Variants in COL5A2 observed in about 807,000 individuals in gnomAD.
COL5A2 encodes the protein collagen type V alpha 2 chain.
Under a neutral mutation model 208.2 loss-of-function variants are expected in COL5A2, and 23 were observed. The observed-to-expected ratio is 0.11, with a 90% confidence interval of 0.08 to 0.16. The LOEUF (loss-of-function observed/expected upper bound fraction) is 0.16, where lower values mean the gene tolerates loss of function less well. Ranked by LOEUF, COL5A2 falls within the 10% of genes least tolerant of loss-of-function variation. The pLI is 1.00. For missense variants in COL5A2, 1,590 were observed against 1,956.4 expected, an observed-to-expected ratio of 0.81 and a Z score of 3.53; for synonymous variants, 625 against 628.5, an observed-to-expected ratio of 0.99 and a Z score of 0.08.
chr2:189,251,831 G>A, the COL5A2 span, among the ~76,000 whole-genome samples: 4 of 152,110 alleles, frequency 2.6e-5, no homozygotes, highest in Admixed American at 1.3e-4. Flanking sequence ...CCAATCTAAA[G>A]AATGGGAGAA....
At chr2:189,275,596 G>C in the COL5A2 span, among the ~76,000 whole-genome samples, 2 of 151,878 alleles carry the variant, frequency 1.3e-5, no homozygotes, top group Non-Finnish European at 2.9e-5. Context: ...TGGGATTACA[G>C]GCACGCGCCA....
intron 17 of COL5A2, 74 bp from the exon 18 acceptor site, chr2:189,072,167 G>T: frequency 1.9e-6 from 2 of 1,070,852 alleles, no homozygotes; most frequent in South Asian, 1.4e-5. Context: ...TTTAGAGTTT[G>T]GCGTCATTTT....
rs369424895 is a variant in COL5A2, at chr2:189,053,922, A to G, written c.2472T>C (p.Val824=). The change falls in exon 37 of 54, where the codon GTT becomes GTC. Residue 824 remains valine (V), a synonymous_variant. Transcript: ENST00000374866. ...EKGEPGPRGL[V]GPPGSRGNPG... is the part of the protein sequence containing the mutation. ...GATTGCCCCGGGAGCCAGGAGGGCC[A>G]ACTAAACCTCGAGGACCAGGTTCAC... is the stretch of plus-strand genomic sequence containing the variant. 1.9e-6 allele frequency: 3 copies of G among 1,614,090 alleles called. No individual in the cohort carries two copies. The highest frequency in any genetic ancestry group is 2.5e-6 in the Non-Finnish European group (3 of 1,179,982).
At chr2:189,090,868 C>A (rs1686769885) in intron 7 of COL5A2, among the ~76,000 whole-genome samples, 1 of 152,124 alleles carries the variant, frequency 6.6e-6, no homozygotes, top group Non-Finnish European at 1.5e-5. Context: ...TGCTCAGTGA[C>A]AATGCACTAG....
chr2:189,281,863 G>C, the COL5A2 span, among the ~76,000 whole-genome samples: 2 of 152,124 alleles, frequency 1.3e-5, no homozygotes, highest in African/African-American at 4.8e-5. Context: ...GCAGGCACTG[G>C]AACCCTACAC....
the COL5A2 span, among the ~76,000 whole-genome samples, chr2:189,342,387 C>T: frequency 6.9e-6 from 1 of 144,234 alleles, no homozygotes; most frequent in Non-Finnish European, 1.5e-5. Flanking sequence ...TATTTATTTG[C>T]TATTTGTTAT....
At chr2:189,172,366 G>GTTTTAAATT (rs1314294947) in intron 1 of COL5A2, among the ~76,000 whole-genome samples, 1 of 152,160 alleles carries the variant, frequency 6.6e-6, no homozygotes, top group Non-Finnish European at 1.5e-5. Context: ...TCAAAGATTT[G>GTTTTAAATT]GTGAAAGCAA....
intron 43 of COL5A2, among the ~76,000 whole-genome samples, chr2:189,049,934 T>C (rs1685749297): frequency 6.6e-6 from 1 of 152,204 alleles, no homozygotes; most frequent in African/African-American, 2.4e-5. Context: ...TGTCTCCCAG[T>C]TCTAAGATCC....
intron 7 of COL5A2, among the ~76,000 whole-genome samples, chr2:189,091,219 A>C (rs1045078065): frequency 5.9e-5 from 9 of 152,214 alleles, no homozygotes; most frequent in Non-Finnish European, 8.8e-5. Flanking sequence ...AACTAGAATT[A>C]TAAGTAGAGC....
At chr2:189,244,956 T>C in the COL5A2 span, among the ~76,000 whole-genome samples, 4 of 152,184 alleles carry the variant, frequency 2.6e-5, no homozygotes, top group East Asian at 5.8e-4. Context: ...ATGTCTTAGA[T>C]GGATGGCAGC....
intron 41 of COL5A2, among the ~76,000 whole-genome samples, 175 bp downstream of exon 41, chr2:189,051,997 A>G (rs1007031681): frequency 7.2e-5 from 11 of 152,218 alleles, no homozygotes; most frequent in African/African-American, 2.2e-4. Context: ...GAAATACTAG[A>G]TTATTAAGGA....
At chr2:189,121,579 A>G (rs1229989527) in intron 1 of COL5A2, among the ~76,000 whole-genome samples, 1 of 151,912 alleles carries the variant, frequency 6.6e-6, no homozygotes, top group African/African-American at 2.4e-5. Context: ...CATGGCAGGA[A>G]CCATTTGTTG....
intron 1 of COL5A2, among the ~76,000 whole-genome samples, chr2:189,166,958 AG>A (rs1050128119): frequency 2.8e-4 from 43 of 152,232 alleles, no homozygotes; most frequent in Non-Finnish European, 2.8e-4. Context: ...TGGAAGGAAA[AG>A]TCTGAAATTT....
chr2:189,292,533 G>A, the COL5A2 span, among the ~76,000 whole-genome samples: 2 of 152,116 alleles, frequency 1.3e-5, no homozygotes, highest in Non-Finnish European at 2.9e-5. Context: ...TCAGAGAAAT[G>A]CAAATCAAAA....
the COL5A2 span, among the ~76,000 whole-genome samples, chr2:189,300,989 C>G: frequency 6.6e-6 from 1 of 152,088 alleles, no homozygotes; most frequent in Non-Finnish European, 1.5e-5. Flanking sequence ...GAGTTTAAGA[C>G]CACACTGGGC....
Position 189,074,716 on chromosome 2 carries a change from C to A in COL5A2, c.1104+677G>T, listed in dbSNP as rs559200310. On this transcript the variant is annotated intron_variant, in intron 17 of 53. Transcript: ENST00000374866. ...TACATCATCCATCAAACACTTTAAA[C>A]CAGAAATCTACTGGGCCATGCCCAT... 2.0e-5 allele frequency among the ~76,000 whole-genome samples: 3 copies of A among 152,324 alleles called. No homozygotes were observed. The East Asian group carries it at 5.8e-4, about 29-fold the overall frequency.
intron 1 of COL5A2, among the ~76,000 whole-genome samples, chr2:189,110,824 T>C (rs558062306): frequency 6.6e-6 from 1 of 152,076 alleles, no homozygotes; most frequent in Non-Finnish European, 1.5e-5. Context: ...AAGGAGAATA[T>C]AAAATTTGAA....
In COL5A2 at chr2:189,058,767, C is replaced by G. The variant is rs753975029; in HGVS notation, c.2130+82G>C. ...AAAGAATTTATAGGTTAAAATAAAT[C>G]CCAGTTTAAGATTTTAAAAGACACC... On this transcript the variant is annotated intron_variant, in intron 32 of 53. Transcript: ENST00000374866. 7.1e-6 allele frequency: 9 copies of G among 1,269,860 alleles called. No homozygotes were observed. The Admixed American group carries it at 1.6e-4, about 22-fold the overall frequency. 78.7% of individuals were successfully genotyped at this position (1,269,860 alleles called of 1,614,324 possible).
chr2:189,415,807 C>T, the COL5A2 span, among the ~76,000 whole-genome samples: 2 of 152,142 alleles, frequency 1.3e-5, no homozygotes, highest in African/African-American at 4.8e-5. Flanking sequence ...CTACAGGCGC[C>T]TACCACCACA....
Sources: allele counts gnomAD v4.1 joint callset (sites outside exome capture counted in the v4.1 genomes callset), GRCh38; gene constraint gnomAD v4.1.1; transcripts MANE v1.5; gene names NCBI Gene and HGNC (gene_info 2026-07-23, HGNC 2026-07-21).